The following ADCY8 variants were observed in gnomAD, a reference collection of about 807,000 sequenced individuals.
ADCY8 encodes the protein adenylate cyclase type 8.
A neutral mutation model predicts 119.7 loss-of-function variants in ADCY8; 51 were observed. The observed-to-expected ratio is 0.43, with a 90% CI of 0.34 to 0.54. ADCY8 has a LOEUF of 0.54. ADCY8 is among the 20% of genes least tolerant of loss of function. The pLI is 0.03. For missense variants in ADCY8, 1,383 were observed against 1,598.8 expected, an observed-to-expected ratio of 0.87 and a Z score of 2.30; for synonymous variants, 665 against 651.0, an observed-to-expected ratio of 1.02 and a Z score of -0.33.
At chr8:130,981,661 G>C (rs953321829) in intron 2 of ADCY8, among the ~76,000 whole-genome samples, 1 of 152,174 alleles carries the variant, frequency 6.6e-6, no homozygotes, top group Non-Finnish European at 1.5e-5. Flanking sequence ...TTGCACATGA[G>C]CATAGGGTCA....
chr8:130,892,003 G>A (rs1451831837), intron 7 of ADCY8: 1 of 152,100 alleles, frequency 6.6e-6, no homozygotes, highest in Non-Finnish European at 1.5e-5. Flanking sequence ...TTATGTCACT[G>A]TAATCTGTTT....
intron 8 of ADCY8, among the ~76,000 whole-genome samples, chr8:130,870,652 A>T (rs1042979422): frequency 6.6e-6 from 1 of 152,140 alleles, no homozygotes; most frequent in Non-Finnish European, 1.5e-5. Context: ...CTATGAAAAG[A>T]TCCCTTCCTA....
intron 1 of ADCY8, among the ~76,000 whole-genome samples, chr8:131,012,758 G>A (rs1823351157): frequency 6.6e-6 from 1 of 152,126 alleles, no homozygotes; most frequent in Admixed American, 6.5e-5. Flanking sequence ...GAACATCCTG[G>A]GAAGGTCATC....
At position 130,780,304 on chromosome 8, in the gene ADCY8, T is replaced by C; in HGVS notation, c.*86A>G. ...TCAAAGACCAACGAAACCATCCTTG[T>C]TCTAAAAAAAATTAAACCTTTTTAT... is the stretch of plus-strand genomic sequence containing the variant. On this transcript the variant is annotated 3_prime_UTR_variant, in exon 18 of 18. Transcript: ENST00000286355. 1 of 1,053,708 alleles carries C rather than the reference T, an allele frequency of 9.5e-7. No homozygotes were observed. The highest frequency in any genetic ancestry group is 1.2e-6 in the Non-Finnish European group (1 of 826,032). 65.3% of individuals were successfully genotyped at this position (1,053,708 alleles called of 1,614,324 possible). A position where few individuals can be genotyped will look rare whatever the true frequency, so the allele number is the denominator to read the frequency against.
intron 14 of ADCY8, among the ~76,000 whole-genome samples, chr8:130,806,602 G>A (rs895914950): frequency 1.3e-5 from 2 of 152,160 alleles, no homozygotes; most frequent in Non-Finnish European, 2.9e-5. Context: ...AGCCCAAAAG[G>A]AGTGAGCTCG....
intron 12 of ADCY8, among the ~76,000 whole-genome samples, chr8:130,833,319 A>G (rs1266084389): frequency 6.6e-6 from 1 of 152,172 alleles, no homozygotes; most frequent in Non-Finnish European, 1.5e-5. Flanking sequence ...GTTCTTCAGA[A>G]TGTTACTCTG....
intron 9 of ADCY8, among the ~76,000 whole-genome samples, chr8:130,861,684 T>A (rs1242739059): frequency 6.6e-6 from 1 of 152,178 alleles, no homozygotes; most frequent in Non-Finnish European, 1.5e-5. Flanking sequence ...TGTTGTTTTG[T>A]TTCAATAGCT....
rs142941017 is a variant in ADCY8, at chr8:130,893,162, C to A, written c.1912-8401G>T. Among the ~76,000 whole-genome samples, 126 of 152,274 alleles carry A rather than the reference C, an allele frequency of 8.3e-4. 4 individuals carry two copies. The highest frequency in any genetic ancestry group is 3.0e-3 in the African/African-American group (123 of 41,558). ...CTTGGCACACTCATTTAGATCCGAC[C>A]ACTTTGACGCCACATGATTTGAGGC... On this transcript the variant is annotated intron_variant, in intron 7 of 17. Coordinates refer to ENST00000286355, the MANE Select transcript of ADCY8 (RefSeq NM_001115.3).
At chr8:130,935,199 G>A (rs190632977) in intron 5 of ADCY8, among the ~76,000 whole-genome samples, 1 of 152,286 alleles carries the variant, frequency 6.6e-6, no homozygotes, top group African/African-American at 2.4e-5. Context: ...TGGTAATCCA[G>A]CTGTCTTCGA....
chr8:130,806,407 C>G (rs528929462), intron 14 of ADCY8, among the ~76,000 whole-genome samples: 1 of 152,260 alleles, frequency 6.6e-6, no homozygotes, highest in African/African-American at 2.4e-5. Flanking sequence ...CCTATTGCTT[C>G]AATTAGAGAC....
rs538359221 is a variant in ADCY8, at chr8:130,952,154, C to T, written c.1111-156G>A. Among the ~76,000 whole-genome samples, 9 of 152,234 alleles carry T rather than the reference C, an allele frequency of 5.9e-5. No individual in the cohort carries two copies. In the South Asian group the frequency reaches 1.9e-3, roughly 32 times the overall value. ...GAATACAACAAATATTTATTGAGTA[C>T]TTATTATTTGCCAGGCACTCTGCTG... On this transcript the variant is annotated intron_variant, in intron 2 of 17. Coordinates refer to ENST00000286355, the MANE Select transcript of ADCY8 (RefSeq NM_001115.3).
chr8:130,836,545 A>G, intron 11 of ADCY8, 96 bp from the exon 12 acceptor site: 1 of 1,355,778 alleles, frequency 7.4e-7, no homozygotes, highest in Non-Finnish European at 1.0e-6. Context: ...ATTTGCAGAG[A>G]GTTTCCATTT....
chr8:130,849,879 C>T, intron 9 of ADCY8, 76 bp from the exon 10 acceptor site: 1 of 1,347,976 alleles, frequency 7.4e-7, no homozygotes, highest in Non-Finnish European at 1.0e-6. Flanking sequence ...CCTGGTCTTC[C>T]TTTCCCATCC....
At chr8:130,848,148 T>C (rs984411441) in intron 10 of ADCY8, among the ~76,000 whole-genome samples, 40 of 152,292 alleles carry the variant, frequency 2.6e-4, no homozygotes, top group African/African-American at 8.2e-4. Flanking sequence ...AAGTAACTTG[T>C]CCAGTGTCAC....
At chr8:130,869,143 C>T (rs1249145751) in intron 8 of ADCY8, among the ~76,000 whole-genome samples, 1 of 152,174 alleles carries the variant, frequency 6.6e-6, no homozygotes, top group Non-Finnish European at 1.5e-5. Flanking sequence ...AGAGACTGCA[C>T]AGTTATTGCT....
intron 2 of ADCY8, among the ~76,000 whole-genome samples, chr8:130,985,145 G>A (rs927670882): frequency 3.9e-5 from 6 of 152,126 alleles, no homozygotes; most frequent in African/African-American, 1.4e-4. Flanking sequence ...AAGGAAAGGG[G>A]GTTGGGGGGT....
At chr8:130,825,478 C>T (rs1325263603) in intron 12 of ADCY8, among the ~76,000 whole-genome samples, 2 of 152,120 alleles carry the variant, frequency 1.3e-5, no homozygotes, top group Non-Finnish European at 2.9e-5. Flanking sequence ...GGGAAGTGTG[C>T]CCAAGTTCAA....
At chr8:130,783,948 C>A in intron 16 of ADCY8, 143 bp from the exon 17 acceptor site, 2 of 607,164 alleles carry the variant, frequency 3.3e-6, no homozygotes, top group Non-Finnish European at 5.8e-6. Context: ...AGCCCCTCTA[C>A]ACTCAAGTCA....
chr8:130,868,818 T>A (rs1315973929), intron 8 of ADCY8, among the ~76,000 whole-genome samples: 2 of 152,198 alleles, frequency 1.3e-5, no homozygotes, highest in Non-Finnish European at 2.9e-5. Context: ...AAGTGTCACT[T>A]TGGAACTTTG....
Sources: gnomAD v4.1 joint callset for allele counts (sites outside exome capture counted in the v4.1 genomes callset) on GRCh38, gnomAD v4.1.1 for gene constraint, MANE v1.5 for transcripts, NCBI Gene and HGNC (gene_info 2026-07-23, HGNC 2026-07-21) for gene names.